The following DLGAP1 variants were observed in gnomAD, a reference collection of about 807,000 sequenced individuals.
DLGAP1 encodes disks large-associated protein 1.
DLGAP1 carries 11 observed loss-of-function variants against 90.8 expected under a neutral mutation model. The ratio of observed to expected loss-of-function variants is 0.12; its 90% CI spans 0.08 to 0.20. The LOEUF (loss-of-function observed/expected upper bound fraction) is 0.20, where lower values mean the gene tolerates loss of function less well. Ranked by LOEUF, DLGAP1 falls within the 10% of genes least tolerant of loss-of-function variation. The probability of loss-of-function intolerance (pLI) is 1.00; values close to 1 mark genes in which losing one functional copy is unlikely to be tolerated. For missense variants in DLGAP1, 1,050 were observed against 1,333.8 expected (o/e 0.79, Z 3.31); for synonymous variants, 558 against 540.7 (o/e 1.03, Z -0.44).
At chr18:4,346,047 G>A (rs1484362356) in intron 1 of DLGAP1, among the ~76,000 whole-genome samples, 2 of 152,128 alleles carry the variant, frequency 1.3e-5, no homozygotes, top group Non-Finnish European at 2.9e-5. Flanking sequence ...CACCACTCAC[G>A]ATGTGCTGAA....
intron 5 of DLGAP1, among the ~76,000 whole-genome samples, chr18:3,803,969 T>TAC (rs2066437882): frequency 3.2e-5 from 2 of 63,064 alleles, no homozygotes; most frequent in African/African-American, 1.3e-4. Flanking sequence ...TATATATATA[T>TAC]ATATATATAT....
intron 9 of DLGAP1, among the ~76,000 whole-genome samples, chr18:3,555,738 A>C (rs2144896898): frequency 6.6e-6 from 1 of 152,276 alleles, no homozygotes; most frequent in African/African-American, 2.4e-5. Flanking sequence ...TGAACCCAGG[A>C]GGCGGAGGTT....
intron 1 of DLGAP1, among the ~76,000 whole-genome samples, chr18:4,394,548 T>C (rs758295605): frequency 1.3e-5 from 2 of 152,184 alleles, no homozygotes; most frequent in African/African-American, 2.4e-5. Flanking sequence ...ATCCCCAAAA[T>C]AGAATGCCTC....
At chr18:3,706,396 G>A (rs1567990353) in intron 7 of DLGAP1, among the ~76,000 whole-genome samples, 1 of 152,170 alleles carries the variant, frequency 6.6e-6, no homozygotes, top group East Asian at 1.9e-4. Context: ...ACACATAAGG[G>A]CCATTGTGTC....
At chr18:3,773,957 C>T (rs2064819664) in intron 5 of DLGAP1, among the ~76,000 whole-genome samples, 1 of 152,178 alleles carries the variant, frequency 6.6e-6, no homozygotes, top group South Asian at 2.1e-4. Context: ...GGAAATGAGA[C>T]TTCTTTGCCT....
intron 1 of DLGAP1, among the ~76,000 whole-genome samples, chr18:4,310,440 T>G (rs1275486535): frequency 6.6e-6 from 1 of 152,202 alleles, no homozygotes; most frequent in Non-Finnish European, 1.5e-5. Flanking sequence ...CCCACTTCAT[T>G]CTTTAAGGTA....
At chr18:3,754,063 T>C (rs1568074305) in intron 5 of DLGAP1, among the ~76,000 whole-genome samples, 1 of 152,214 alleles carries the variant, frequency 6.6e-6, no homozygotes, top group Non-Finnish European at 1.5e-5. Flanking sequence ...TGCAGTGGCA[T>C]GATCATGGCT....
chr18:3,866,560 A>G lies in DLGAP1; in HGVS notation c.957+12552T>C, dbSNP rs530349341. Among the ~76,000 whole-genome samples the G allele has an allele frequency of 3.3e-5, 5 of 152,318 alleles. No homozygotes were observed. In the South Asian group the frequency reaches 1.0e-3, roughly 32 times the overall value. On this transcript the variant is annotated intron_variant, in intron 4 of 12. Coordinates refer to ENST00000315677, the MANE Select transcript of DLGAP1 (RefSeq NM_004746.4). Reference sequence around the variant, plus strand: ...GTAGTGCTGTTTTAAATTGTTTTACATGTTTTGCTTTATTTGAACACAGAC... The same window carrying G: ...GTAGTGCTGTTTTAAATTGTTTTACGTGTTTTGCTTTATTTGAACACAGAC...
chr18:3,984,033 G>T (rs1376247646), intron 3 of DLGAP1: 2 of 152,098 alleles, frequency 1.3e-5, no homozygotes, highest in Non-Finnish European at 2.9e-5. Context: ...ACAGATAAAA[G>T]AAAATAAAAG....
intron 3 of DLGAP1, among the ~76,000 whole-genome samples, chr18:3,921,491 T>G (rs375667194): frequency 5.3e-5 from 8 of 152,134 alleles, no homozygotes; most frequent in Non-Finnish European, 8.8e-5. Context: ...TCCAATTCTA[T>G]ATATAAGAAC....
chr18:3,575,501 TA>T (rs757286778), intron 8 of DLGAP1, among the ~76,000 whole-genome samples: 3 of 152,134 alleles, frequency 2.0e-5, no homozygotes, highest in Non-Finnish European at 4.4e-5. Context: ...TAGTCAGAAT[TA>T]CTCTTGAGAG....
In DLGAP1 at chr18:3,689,052, C is replaced by G. The variant is rs371168342; in HGVS notation, c.1591+40083G>C. On this transcript the variant is annotated intron_variant, in intron 7 of 12. Coordinates refer to ENST00000315677, the MANE Select transcript of DLGAP1 (RefSeq NM_004746.4). ...GCCTCTCTAGAAAGACTATAAGGCC[C>G]TACCCCTGTGCTCTGTCTCCTCCAG... 7.9e-5 allele frequency among the ~76,000 whole-genome samples: 12 copies of G among 152,262 alleles called. 1 individual carries two copies. The highest frequency in any genetic ancestry group is 2.9e-4 in the African/African-American group (12 of 41,544).
intron 3 of DLGAP1, among the ~76,000 whole-genome samples, chr18:3,938,271 G>A (rs1249086706): frequency 6.6e-6 from 1 of 152,138 alleles, no homozygotes. Context: ...AGAATGCATG[G>A]GGGTTGCAGC....
intron 1 of DLGAP1, among the ~76,000 whole-genome samples, chr18:4,437,289 T>C (rs2083423456): frequency 6.6e-6 from 1 of 152,218 alleles, no homozygotes; most frequent in Non-Finnish European, 1.5e-5. Flanking sequence ...ATGATGTTTT[T>C]ATCTTTTTTG....
At chr18:4,430,765 C>G (rs890441941) in intron 1 of DLGAP1, 5 of 152,108 alleles carry the variant, frequency 3.3e-5, no homozygotes, top group South Asian at 2.1e-4. Context: ...TGAATGTAAT[C>G]CCTGTGATCA....
rs1555703517 is a variant in DLGAP1, at chr18:3,895,319, A to ACACAT, written c.-72-15180_-72-15179insATGTG. Among the ~76,000 whole-genome samples the ACACAT allele has an allele frequency of 5.5e-3, 810 of 148,324 alleles. 3 individuals are homozygous for ACACAT. Among genetic ancestry groups the ACACAT allele is most frequent in the Middle Eastern group, 0.028 (8 of 288 alleles). On this transcript the variant is annotated intron_variant, in intron 3 of 12. Coordinates refer to ENST00000315677, the MANE Select transcript of DLGAP1 (RefSeq NM_004746.4). ...CACACACACACACACACACACACAC[A>ACACAT]CATCATCATCATCATCATCATCATC...
chr18:3,513,736 T>C (rs1008635915), intron 10 of DLGAP1, among the ~76,000 whole-genome samples: 4 of 152,230 alleles, frequency 2.6e-5, no homozygotes, highest in Non-Finnish European at 5.9e-5. Context: ...AACAACTATG[T>C]TGGCTGTGGG....
chr18:3,637,941 T>C (rs1250370385), intron 7 of DLGAP1, among the ~76,000 whole-genome samples: 2 of 139,058 alleles, frequency 1.4e-5, no homozygotes, highest in Non-Finnish European at 1.5e-5. Context: ...TTGTGCTAGG[T>C]AGCTTTTTTT....
intron 3 of DLGAP1, chr18:3,977,758 C>T: frequency 1.7e-5 from 6 of 357,392 alleles, no homozygotes; most frequent in South Asian, 1.5e-4. Flanking sequence ...AATGCCCACC[C>T]CAGCTTTGAA....
Sources: gnomAD v4.1 joint callset for allele counts (sites outside exome capture counted in the v4.1 genomes callset) on GRCh38, gnomAD v4.1.1 for gene constraint, MANE v1.5 for transcripts, NCBI Gene and HGNC (gene_info 2026-07-23, HGNC 2026-07-21) for gene names.